The following NHSL1 variants were observed in gnomAD, a reference collection of about 807,000 sequenced individuals.
NHSL1 encodes NHS-like protein 1.
NHSL1 carries 48 observed loss-of-function variants against 95.0 expected under a neutral mutation model. The ratio of observed to expected loss-of-function variants is 0.51; its 90% CI spans 0.40 to 0.64. The LOEUF (loss-of-function observed/expected upper bound fraction) is 0.64, where lower values mean the gene tolerates loss of function less well. Ranked by LOEUF, NHSL1 falls within the 30% of genes least tolerant of loss-of-function variation. NHSL1 has a pLI of 0.00. For synonymous variants in NHSL1, 783 were observed against 833.9 expected (o/e 0.94, Z 1.05); for missense variants, 1,971 against 2,077.7 (o/e 0.95, Z 1.00).
At chr6:138,628,103 G>A (rs982750151) in intron 1 of NHSL1, among the ~76,000 whole-genome samples, 2 of 150,916 alleles carry the variant, frequency 1.3e-5, no homozygotes, top group African/African-American at 4.9e-5. Flanking sequence ...ACCTGAAGTT[G>A]GGAGTTCGAG....
chr6:138,447,312 C>T (rs1175713150), intron 3 of NHSL1, 119 bp from the exon 4 acceptor site: 3 of 783,388 alleles, frequency 3.8e-6, no homozygotes, highest in South Asian at 2.0e-5. Flanking sequence ...AATAATTGAT[C>T]GCTTTTAGGA....
At chr6:138,545,649 T>C (rs895885103) in exon 1 of NHSL1, 2 of 1,289,296 alleles carry the variant, frequency 1.6e-6, no homozygotes, top group Non-Finnish European at 1.0e-6. Flanking sequence ...TCTGCAGCAG[T>C]TCCATGGAGG....
At chr6:138,571,621 G>T in intron 1 of NHSL1, 2 of 1,243,732 alleles carry the variant, frequency 1.6e-6, no homozygotes, top group Non-Finnish European at 1.1e-6. Context: ...CCTAATGGGG[G>T]CAAAAATCAT....
At position 138,610,549 on chromosome 6, in the gene NHSL1, ATATAT is replaced by A. The variant is rs1251023590; in HGVS notation, c.96+81922_96+81926del. Among the ~76,000 whole-genome samples, 242 of 131,394 alleles carry A rather than the reference ATATAT, an allele frequency of 1.8e-3. 1 individual carries two copies. The highest frequency in any genetic ancestry group is 5.8e-3 in the African/African-American group (203 of 35,106). The allele number at this position is 131,394 out of a possible 152,430, so 86.2% of individuals were successfully genotyped here. On this transcript the variant is annotated intron_variant, in intron 1 of 3. Transcript: ENST00000491526. ...GAACTAAAAGTATAATAATAAAAAA[ATATAT>A]ATATATTATATATATATATAAAAAG...
At chr6:138,548,955 C>T (rs1782903818), upstream of NHSL1, among the ~76,000 whole-genome samples, 1 of 152,150 alleles carries the variant, frequency 6.6e-6, no homozygotes, top group South Asian at 2.1e-4. Context: ...ATAGTGTCCA[C>T]CCCAAATTCA....
At chr6:138,686,096 T>C (rs1185089138) in intron 1 of NHSL1, among the ~76,000 whole-genome samples, 1 of 152,094 alleles carries the variant, frequency 6.6e-6, no homozygotes, top group Non-Finnish European at 1.5e-5. Context: ...GTTCAAGAGA[T>C]CTATAATCAA....
At chr6:138,658,240 A>C (rs1231973033) in intron 1 of NHSL1, among the ~76,000 whole-genome samples, 3 of 152,224 alleles carry the variant, frequency 2.0e-5, no homozygotes, top group Non-Finnish European at 4.4e-5. Context: ...TTCTCTTAAC[A>C]AATTTCATAC....
chr6:138,435,164 A>G (rs1199275437), intron 5 of NHSL1: 1 of 154,578 alleles, frequency 6.5e-6, no homozygotes, highest in Non-Finnish European at 1.5e-5. Context: ...AAATTTTGCC[A>G]TTTAGTAATT....
At chr6:138,444,287 A>C (rs1349694217) in intron 4 of NHSL1, among the ~76,000 whole-genome samples, 1 of 152,046 alleles carries the variant, frequency 6.6e-6, no homozygotes, top group East Asian at 1.9e-4. Flanking sequence ...AAAAAAAAAG[A>C]AATAAACTTG....
At chr6:138,691,509 G>C (rs1785669161) in intron 1 of NHSL1, among the ~76,000 whole-genome samples, 1 of 152,154 alleles carries the variant, frequency 6.6e-6, no homozygotes, top group Admixed American at 6.6e-5. Context: ...GATTCTAGGA[G>C]AAAAAACTAT....
chr6:138,528,142 G>C (rs1781988965), intron 1 of NHSL1, among the ~76,000 whole-genome samples: 1 of 152,152 alleles, frequency 6.6e-6, no homozygotes, highest in South Asian at 2.1e-4. Flanking sequence ...TTATAAAGCT[G>C]TATAAGTAAA....
intron 1 of NHSL1, among the ~76,000 whole-genome samples, chr6:138,525,124 GA>G (rs1234545170): frequency 6.6e-6 from 1 of 152,070 alleles, no homozygotes; most frequent in Non-Finnish European, 1.5e-5. Context: ...CTGGGCGTTG[GA>G]TTTTTTACCT....
chr6:138,639,771 C>G lies in NHSL1; in HGVS notation c.96+52705G>C, dbSNP rs1292777597. ...CAGTGAGCCAAGGTCGCACCTCTAG[C>G]CAGGGGACAGAGTGAGACTCAGTCT... On this transcript the variant is annotated intron_variant, in intron 1 of 3. Coordinates refer to the NHSL1 transcript ENST00000491526. Among the ~76,000 whole-genome samples the G allele has an allele frequency of 3.2e-5, 4 of 126,058 alleles. No homozygotes were observed. In the South Asian group the frequency reaches 9.8e-4, roughly 31 times the overall value. 82.7% of individuals were successfully genotyped at this position (126,058 alleles called of 152,430 possible).
intron 1 of NHSL1, among the ~76,000 whole-genome samples, chr6:138,543,078 G>T (rs1782645306): frequency 6.6e-6 from 1 of 152,134 alleles, no homozygotes; most frequent in African/African-American, 2.4e-5. Flanking sequence ...CTACGTCTTA[G>T]AATAATCTGT....
intron 1 of NHSL1, among the ~76,000 whole-genome samples, chr6:138,566,124 G>C (rs182474730): frequency 6.6e-6 from 1 of 152,038 alleles, no homozygotes; most frequent in African/African-American, 2.4e-5. Flanking sequence ...TTGGCCAGGC[G>C]TGGTGGCTCA....
At chr6:138,464,715 C>CTTTTTTTTTTTTTTTTTT (rs1157342436) in intron 3 of NHSL1, among the ~76,000 whole-genome samples, 8 of 118,964 alleles carry the variant, frequency 6.7e-5, no homozygotes, top group African/African-American at 1.0e-4. Context: ...TTTTTCTTTT[C>CTTTTTTTTTTTTTTTTTT]TTTTTTTTTT....
At position 138,433,095 on chromosome 6, in the gene NHSL1, G is replaced by A. The variant is rs371935884; in HGVS notation, c.1250C>T (p.Thr417Ile). 156 of 1,550,900 alleles carry A rather than the reference G, an allele frequency of 1.0e-4. 1 individual carries two copies. The African/African-American group carries it at 1.7e-3, about 17-fold the overall frequency. ...GATGACCTCGGAAGAGGAAGACAGT[G>A]TGGCATTTGGGATGATGCTGGTGGA... ...TYSTSIIPNA[T>I]LSSSSEVIAI... Residue 417 changes from threonine to isoleucine, a missense_variant, in exon 6 of 8, where the codon ACA (threonine) becomes ATA (isoleucine). Physicochemically the swap from Thr to Ile is moderately conservative, Grantham distance 89. This residue lies in a region of NHSL1 where 1,602 missense variants were observed against 1,654.5 expected (regional missense o/e 0.97). Transcript: ENST00000343505.
intron 1 of NHSL1, among the ~76,000 whole-genome samples, chr6:138,607,350 C>T (rs1185831004): frequency 1.3e-5 from 2 of 151,972 alleles, no homozygotes; most frequent in African/African-American, 2.4e-5. Context: ...CGGACAAAAC[C>T]AACCAAAAAA....
chr6:138,561,002 C>T (rs1358340186), intron 1 of NHSL1, among the ~76,000 whole-genome samples: 1 of 152,296 alleles, frequency 6.6e-6, no homozygotes, highest in East Asian at 1.9e-4. Context: ...CTGCTTGTGG[C>T]TTTTATTAAT....
Sources: allele counts gnomAD v4.1 joint callset (sites outside exome capture counted in the v4.1 genomes callset), GRCh38; gene constraint gnomAD v4.1.1; regional missense constraint gnomAD v4.1.1; transcripts MANE v1.5; gene names NCBI Gene and HGNC (gene_info 2026-07-23, HGNC 2026-07-21).